Variants in MIPOL1 observed in about 807,000 individuals in gnomAD.
MIPOL1 encodes mirror-image polydactyly 1.
A neutral mutation model predicts 60.9 loss-of-function variants in MIPOL1; 57 were observed. That is an observed-to-expected ratio of 0.94 (90% CI 0.76 to 1.17). The LOEUF is 1.17. MIPOL1 is among the 50% of genes most tolerant of loss of function. MIPOL1 has a pLI of 0.00. For missense variants in MIPOL1, 551 were observed against 511.6 expected, an observed-to-expected ratio of 1.08 and a Z score of -0.74; for synonymous variants, 179 against 168.8, an observed-to-expected ratio of 1.06 and a Z score of -0.47.
At chr14:37,523,104 A>C (rs2095424887) in intron 12 of MIPOL1, among the ~76,000 whole-genome samples, 1 of 152,172 alleles carries the variant, frequency 6.6e-6, no homozygotes, top group Admixed American at 6.5e-5. Flanking sequence ...AGTGCATCAA[A>C]GATTTATGTT....
At chr14:37,353,357 C>G (rs1477470042) in intron 9 of MIPOL1, among the ~76,000 whole-genome samples, 1 of 99,826 alleles carries the variant, frequency 1.0e-5, no homozygotes, top group Admixed American at 1.1e-4. Context: ...GGATATTGGT[C>G]TAAAATTCTC....
intron 3 of MIPOL1, among the ~76,000 whole-genome samples, chr14:37,262,464 T>C (rs1168710062): frequency 6.6e-6 from 1 of 152,090 alleles, no homozygotes; most frequent in Non-Finnish European, 1.5e-5. Flanking sequence ...ATGGACCATA[T>C]AGGAAGGAAA....
intron 1 of MIPOL1, among the ~76,000 whole-genome samples, chr14:37,210,455 C>A (rs927986308): frequency 6.6e-6 from 1 of 152,140 alleles, no homozygotes; most frequent in Non-Finnish European, 1.5e-5. Flanking sequence ...TGGGTTCTTC[C>A]TGTTCACTGC....
intron 11 of MIPOL1, among the ~76,000 whole-genome samples, chr14:37,469,029 T>G (rs2094640089): frequency 6.6e-6 from 1 of 152,176 alleles, no homozygotes; most frequent in South Asian, 2.1e-4. Flanking sequence ...GCCATCAAAG[T>G]GTTTTAATCC....
At chr14:37,252,957 A>C (rs1004389991) in intron 3 of MIPOL1, among the ~76,000 whole-genome samples, 4 of 151,824 alleles carry the variant, frequency 2.6e-5, no homozygotes, top group African/African-American at 9.7e-5. Flanking sequence ...CAGCAAGATA[A>C]GCTGGTAGAA....
intron 11 of MIPOL1, among the ~76,000 whole-genome samples, chr14:37,428,207 C>T (rs1392853736): frequency 6.6e-6 from 1 of 152,156 alleles, no homozygotes; most frequent in African/African-American, 2.4e-5. Flanking sequence ...TCTCAACTCT[C>T]CAACAGCCAA....
chr14:37,245,320 T>G (rs1973025313), intron 1 of MIPOL1, among the ~76,000 whole-genome samples: 1 of 152,170 alleles, frequency 6.6e-6, no homozygotes, highest in Non-Finnish European at 1.5e-5. Context: ...ATTTCATTGG[T>G]ACTTAAAGAA....
rs143760969 is a variant in MIPOL1 at position 37,387,324 on chromosome 14, C to A, written c.936+17700C>A. 4.9e-3 allele frequency among the ~76,000 whole-genome samples: 741 copies of A among 151,826 alleles called. 7 individuals carry two copies. The highest frequency in any genetic ancestry group is 0.017 in the African/African-American group (699 of 41,474). On this transcript the variant is annotated intron_variant, in intron 10 of 12. Transcript: ENST00000684589. Reference sequence around the variant, plus strand: ...ATATTAATAAGGATTTATAATAGTTCTGTATTGTATGTAGTTTAACATGGA... The same window carrying A: ...ATATTAATAAGGATTTATAATAGTTATGTATTGTATGTAGTTTAACATGGA...
chr14:37,496,262 AC>A (rs1239894620), intron 11 of MIPOL1, among the ~76,000 whole-genome samples: 2 of 130,660 alleles, frequency 1.5e-5, no homozygotes, highest in Non-Finnish European at 3.2e-5. Context: ...GCCCTCTCTC[AC>A]CACTCCTATT....
At chr14:37,485,606 T>C (rs912407671) in intron 11 of MIPOL1, among the ~76,000 whole-genome samples, 2 of 152,242 alleles carry the variant, frequency 1.3e-5, no homozygotes, top group African/African-American at 4.8e-5. Flanking sequence ...TTTTTTCATG[T>C]TTGTTGGCTG....
intron 1 of MIPOL1, chr14:37,219,428 T>G (rs1270882406): frequency 6.6e-6 from 1 of 152,258 alleles, no homozygotes; most frequent in Non-Finnish European, 1.5e-5. Flanking sequence ...AGTATACTGG[T>G]GTGATCACTG....
At chr14:37,469,635 G>T (rs2094651441) in intron 11 of MIPOL1, among the ~76,000 whole-genome samples, 1 of 152,152 alleles carries the variant, frequency 6.6e-6, no homozygotes, top group Non-Finnish European at 1.5e-5. Flanking sequence ...TTATGGATTG[G>T]AAATTATTGC....
chr14:37,317,289 G>T lies in MIPOL1; in HGVS notation c.828+8770G>T, dbSNP rs558294052. The stretch of plus-strand genomic sequence containing the variant: ...AATGTGGAGACAGTTTGAAATCATT[G>T]TCTTTGTTTCTATATAAATGAACAT... On this transcript the variant is annotated intron_variant, in intron 9 of 12. Transcript: ENST00000684589. 3.1e-3 allele frequency among the ~76,000 whole-genome samples: 476 copies of T among 152,284 alleles called. 1 individual carries two copies. The highest frequency in any genetic ancestry group is 0.01 in the Middle Eastern group (3 of 294).
intron 1 of MIPOL1, among the ~76,000 whole-genome samples, chr14:37,243,446 C>T (rs1484474817): frequency 2.0e-5 from 3 of 152,254 alleles, no homozygotes; most frequent in Non-Finnish European, 2.9e-5. Flanking sequence ...TCTGAAATAG[C>T]GTGCTTTCCT....
At chr14:37,454,511 C>T (rs2094455854) in intron 11 of MIPOL1, among the ~76,000 whole-genome samples, 2 of 152,114 alleles carry the variant, frequency 1.3e-5, no homozygotes. Flanking sequence ...ATCTAAAATT[C>T]AGTTAAGTAA....
In MIPOL1 at chr14:37,438,517, C is replaced by T. The variant is rs115227771; in HGVS notation, c.1031+15568C>T. On this transcript the variant is annotated intron_variant, in intron 11 of 12. Transcript: ENST00000684589. ...TATCTAATCCTCCTGATAGCTGGGC[C>T]TTTTACTTTGCTACTGGACCCCTTC... 5.0e-3 allele frequency among the ~76,000 whole-genome samples: 760 copies of T among 152,318 alleles called. 5 individuals are homozygous for T. The highest frequency in any genetic ancestry group is 0.017 in the African/African-American group (713 of 41,582).
At chr14:37,383,624 C>G (rs894758462) in intron 10 of MIPOL1, among the ~76,000 whole-genome samples, 1 of 151,800 alleles carries the variant, frequency 6.6e-6, no homozygotes, top group East Asian at 1.9e-4. Flanking sequence ...TGGTTTTTAT[C>G]TAGATCTACA....
At chr14:37,474,236 A>G (rs1289389119) in intron 11 of MIPOL1, among the ~76,000 whole-genome samples, 1 of 152,174 alleles carries the variant, frequency 6.6e-6, no homozygotes, top group Non-Finnish European at 1.5e-5. Flanking sequence ...ATACTTGTGC[A>G]GGTTTTTGTA....
chr14:37,272,058 A>G (rs936810493), intron 6 of MIPOL1, among the ~76,000 whole-genome samples: 3 of 151,540 alleles, frequency 2.0e-5, no homozygotes, highest in Non-Finnish European at 4.4e-5. Context: ...TAACATGGAA[A>G]TAATTTGATT....
Sources: gnomAD v4.1 joint callset for allele counts (sites outside exome capture counted in the v4.1 genomes callset) on GRCh38, gnomAD v4.1.1 for gene constraint, MANE v1.5 for transcripts, NCBI Gene and HGNC (gene_info 2026-07-23, HGNC 2026-07-21) for gene names.